Variants in NFIB observed in about 807,000 individuals in gnomAD.
NFIB encodes nuclear factor 1 B-type.
NFIB carries 11 observed loss-of-function variants against 61.5 expected under a neutral mutation model. The ratio of observed to expected loss-of-function variants is 0.18; its 90% CI spans 0.11 to 0.30. The LOEUF is 0.30. NFIB is among the 10% of genes least tolerant of loss of function. The pLI is 1.00. For missense variants in NFIB, 471 were observed against 608.9 expected, an observed-to-expected ratio of 0.77 and a Z score of 2.38; for synonymous variants, 260 against 216.5, an observed-to-expected ratio of 1.20 and a Z score of -1.76.
chr9:14,422,004 T>C, the NFIB span, among the ~76,000 whole-genome samples: 1 of 152,196 alleles, frequency 6.6e-6, no homozygotes, highest in South Asian at 2.1e-4. Context: ...CTCTTATGTA[T>C]TTTGATGAGG....
At chr9:14,282,983 C>A (rs900522804) in intron 2 of NFIB, among the ~76,000 whole-genome samples, 5 of 152,182 alleles carry the variant, frequency 3.3e-5, no homozygotes, top group African/African-American at 1.2e-4. Flanking sequence ...TTAACACAGT[C>A]CCAGGCACAT....
intron 2 of NFIB, among the ~76,000 whole-genome samples, chr9:14,198,095 G>A (rs531024847): frequency 7.9e-5 from 12 of 152,046 alleles, no homozygotes; most frequent in Non-Finnish European, 1.8e-4. Context: ...CTCAGGTTTA[G>A]GCACTTTAAG....
At chr9:14,504,517 G>A in the NFIB span, among the ~76,000 whole-genome samples, 3 of 152,156 alleles carry the variant, frequency 2.0e-5, no homozygotes, top group East Asian at 5.8e-4. Context: ...GCAGTGTTTT[G>A]TAGTTTTCCT....
At chr9:14,357,279 C>T (rs1351218206) in intron 1 of NFIB, 1 of 152,044 alleles carries the variant, frequency 6.6e-6, no homozygotes, top group Non-Finnish European at 1.5e-5. Flanking sequence ...CCCCATGACT[C>T]TGATTTCCAG....
chr9:14,465,520 ATTG>A, the NFIB span, among the ~76,000 whole-genome samples: 1 of 151,898 alleles, frequency 6.6e-6, no homozygotes, highest in African/African-American at 2.4e-5. Context: ...ATTTATGAAA[ATTG>A]TTGTCACCGT....
intron 1 of NFIB, among the ~76,000 whole-genome samples, chr9:14,365,028 G>T (rs1284459791): frequency 6.6e-6 from 1 of 152,138 alleles, no homozygotes; most frequent in Admixed American, 6.5e-5. Context: ...CATTTTCATT[G>T]TCTGTAAAAT....
In NFIB at chr9:14,120,899, G is replaced by A. The variant is rs2038837149; in HGVS notation, c.1061-275C>T. Among the ~76,000 whole-genome samples, 1 of 152,054 alleles carries A rather than the reference G, an allele frequency of 6.6e-6. No homozygotes were observed. Among genetic ancestry groups the A allele is most frequent in the East Asian group, 1.9e-4 (1 of 5,194 alleles). On this transcript the variant is annotated intron_variant, in intron 7 of 10. Coordinates refer to ENST00000380953, the MANE Select transcript of NFIB (RefSeq NM_001190737.2). This position sits in a 1 kb window ranked among gnomAD's most constrained non-coding sequence, Gnocchi z 4.4. The stretch of plus-strand genomic sequence containing the variant: ...TACAAAATCAGTTTCTCTTTTATAG[G>A]TTATGTCAATACTTGATAAAACACT...
chr9:14,346,731 G>A (rs145093990), intron 1 of NFIB, among the ~76,000 whole-genome samples: 18 of 152,286 alleles, frequency 1.2e-4, no homozygotes, highest in African/African-American at 4.3e-4. Context: ...AGCTTGGGGC[G>A]GTTTCTGTGA....
intron 7 of NFIB, among the ~76,000 whole-genome samples, chr9:14,124,606 T>C (rs566207861): frequency 1.3e-5 from 2 of 152,314 alleles, no homozygotes; most frequent in East Asian, 3.9e-4. Context: ...TTTAAACCAA[T>C]AACAGTTTCA....
At chr9:14,170,976 A>G (rs2131357710) in intron 3 of NFIB, among the ~76,000 whole-genome samples, 1 of 152,312 alleles carries the variant, frequency 6.6e-6, no homozygotes, top group South Asian at 2.1e-4. Flanking sequence ...ACCATTTCAG[A>G]TAACACGAGA....
Position 14,083,226 on chromosome 9 carries a change from T to A in NFIB, c.*5083A>T, listed in dbSNP as rs749317029. ...CAACAGATCTGTGGCACGGACACAGTACAAAGAGTTGTCATGGCAATGAGT... is the reference window on the plus strand; with the variant it reads ...CAACAGATCTGTGGCACGGACACAGAACAAAGAGTTGTCATGGCAATGAGT... On this transcript the variant is annotated 3_prime_UTR_variant, in exon 11 of 11. Transcript: ENST00000380953. 4.0e-5 allele frequency: 9 copies of A among 224,164 alleles called. No homozygotes were observed. Among genetic ancestry groups the A allele is most frequent in the Non-Finnish European group, 8.0e-5 (9 of 112,136 alleles). 13.9% of individuals were successfully genotyped at this position (224,164 alleles called of 1,614,324 possible). A position where few individuals can be genotyped will look rare whatever the true frequency, so the allele number is the denominator to read the frequency against.
At position 14,139,099 on chromosome 9, in the gene NFIB, C is replaced by T. The variant is rs190041804; in HGVS notation, c.925+7590G>A. Among the ~76,000 whole-genome samples the T allele has an allele frequency of 2.1e-3, 325 of 152,134 alleles. 3 individuals carry two copies. The highest frequency in any genetic ancestry group is 7.4e-3 in the African/African-American group (309 of 41,512). On this transcript the variant is annotated intron_variant, in intron 6 of 10. Coordinates refer to ENST00000380953, the MANE Select transcript of NFIB (RefSeq NM_001190737.2). ...GAAGCAGTGTTTAAATCTCCTAGGC[C>T]ATTTGTAAGTTTACATACTGATTCC... is the stretch of plus-strand genomic sequence containing the variant.
chr9:14,222,318 C>A (rs369800138), intron 2 of NFIB, among the ~76,000 whole-genome samples: 1 of 152,286 alleles, frequency 6.6e-6, no homozygotes, highest in East Asian at 1.9e-4. Context: ...CATCTACAAG[C>A]CCTGCACCTA....
chr9:14,233,704 A>G (rs2053446663), intron 2 of NFIB, among the ~76,000 whole-genome samples: 1 of 152,212 alleles, frequency 6.6e-6, no homozygotes, highest in Non-Finnish European at 1.5e-5. Flanking sequence ...TGCTGGGATT[A>G]CAGGCGTGAA....
the NFIB span, among the ~76,000 whole-genome samples, chr9:14,425,531 G>A: frequency 6.6e-6 from 1 of 151,632 alleles, no homozygotes; most frequent in Non-Finnish European, 1.5e-5. Context: ...CATATATAAG[G>A]AAACATATAT....
At chr9:14,204,338 C>G in intron 2 of NFIB, 2 of 769,100 alleles carry the variant, frequency 2.6e-6, no homozygotes, top group Admixed American at 3.7e-5. Flanking sequence ...GGTCAACCCC[C>G]TGTTTGAGAA....
chr9:14,277,490 A>G (rs1261036879), intron 2 of NFIB, among the ~76,000 whole-genome samples: 2 of 152,232 alleles, frequency 1.3e-5, no homozygotes, highest in African/African-American at 4.8e-5. Context: ...ACAGACGCAC[A>G]AGCATGTACT....
chr9:14,097,710 AT>A, intron 10 of NFIB, among the ~76,000 whole-genome samples: 1 of 152,154 alleles, frequency 6.6e-6, no homozygotes, highest in Non-Finnish European at 1.5e-5. Context: ...ATTGAAAGTT[AT>A]TTTTTGTTTA....
At position 14,160,151 on chromosome 9, in the gene NFIB, G is replaced by C. The variant is rs1426738731; in HGVS notation, c.617-4258C>G. Reference sequence around the variant, plus strand: ...AAAATAAAATTGAGTAGGAAATAAAGACTTCTACAAACTGAAAAGTCTCAA... The same window carrying C: ...AAAATAAAATTGAGTAGGAAATAAACACTTCTACAAACTGAAAAGTCTCAA... On this transcript the variant is annotated intron_variant, in intron 3 of 10. Transcript: ENST00000380953. Among the ~76,000 whole-genome samples the C allele has an allele frequency of 3.3e-5, 5 of 152,032 alleles. No individual in the cohort carries two copies. The East Asian group carries it at 9.6e-4, about 29-fold the overall frequency.
Sources: gnomAD v4.1 joint callset for allele counts (sites outside exome capture counted in the v4.1 genomes callset) on GRCh38, gnomAD v4.1.1 for gene constraint, Gnocchi (gnomAD v3.1) non-coding constraint, MANE v1.5 for transcripts, NCBI Gene and HGNC (gene_info 2026-07-23, HGNC 2026-07-21) for gene names.